The following MTA3 variants were observed in gnomAD, a reference collection of about 807,000 sequenced individuals.
The protein encoded by MTA3 is metastasis associated 1 family member 3.
Under a neutral mutation model 83.5 loss-of-function variants are expected in MTA3, and 34 were observed. The ratio of observed to expected loss-of-function variants is 0.41; its 90% CI spans 0.31 to 0.54. The LOEUF (loss-of-function observed/expected upper bound fraction) is 0.54, where lower values mean the gene tolerates loss of function less well. MTA3 is among the 20% of genes least tolerant of loss of function. MTA3 has a pLI of 0.33. For missense variants in MTA3, 761 were observed against 726.4 expected, an observed-to-expected ratio of 1.05 and a Z score of -0.55; for synonymous variants, 303 against 252.7, an observed-to-expected ratio of 1.20 and a Z score of -1.89.
At chr2:42,661,760 T>C (rs367557858) in intron 8 of MTA3, among the ~76,000 whole-genome samples, 4 of 152,174 alleles carry the variant, frequency 2.6e-5, no homozygotes, top group South Asian at 4.1e-4. Context: ...TACATAATAA[T>C]AGCAAATTAC....
Position 42,753,708 on chromosome 2 carries a change from C to T in MTA3, c.*309C>T. Reference sequence around the variant, plus strand: ...CTCCTCCCTTCTGCAGCGCCCTGCGCCCCACCCAGCAACAGCGGCCACTTG... The same window carrying T: ...CTCCTCCCTTCTGCAGCGCCCTGCGTCCCACCCAGCAACAGCGGCCACTTG... On this transcript the variant is annotated 3_prime_UTR_variant, in exon 17 of 17. Coordinates refer to ENST00000405094, the MANE Select transcript of MTA3 (RefSeq NM_001330442.2). The T allele has an allele frequency of 2.5e-6, 3 of 1,206,044 alleles. No homozygotes were observed. The East Asian group carries it at 1.4e-4, about 57-fold the overall frequency. 74.7% of individuals were successfully genotyped at this position (1,206,044 alleles called of 1,614,324 possible).
intron 4 of MTA3, among the ~76,000 whole-genome samples, chr2:42,635,514 G>T (rs1271233890): frequency 6.6e-6 from 1 of 152,050 alleles, no homozygotes; most frequent in Admixed American, 6.6e-5. Flanking sequence ...TGTAATCCCA[G>T]CTAGTTGAGA....
At chr2:42,572,647 A>C (rs1678618440) in intron 2 of MTA3, among the ~76,000 whole-genome samples, 1 of 152,240 alleles carries the variant, frequency 6.6e-6, no homozygotes, top group Admixed American at 6.5e-5. Flanking sequence ...TAAAATTTTC[A>C]CATTAAGATT....
intron 3 of MTA3, among the ~76,000 whole-genome samples, chr2:42,586,992 C>G (rs1440181746): frequency 6.6e-6 from 1 of 152,042 alleles, no homozygotes; most frequent in East Asian, 1.9e-4. Flanking sequence ...CACTGCACTC[C>G]AGCCTGGTGA....
intron 2 of MTA3, among the ~76,000 whole-genome samples, chr2:42,515,928 C>T (rs1245543775): frequency 6.6e-6 from 1 of 151,116 alleles, no homozygotes; most frequent in African/African-American, 2.4e-5. Context: ...GCCAGCTCTG[C>T]CTCCCGGGTT....
At chr2:42,719,132 T>C in intron 15 of MTA3, 58 bp downstream of exon 15, 2 of 1,316,110 alleles carry the variant, frequency 1.5e-6, no homozygotes, top group Non-Finnish European at 2.1e-6. Context: ...AGTATAGATA[T>C]TTGGCAATTC....
intron 3 of MTA3, among the ~76,000 whole-genome samples, chr2:42,606,882 G>A (rs1194970133): frequency 8.8e-5 from 13 of 147,352 alleles, no homozygotes; most frequent in South Asian, 6.8e-4. Context: ...GCTGGAGACC[G>A]GCCTGGCCAA....
At chr2:42,506,210 T>C (rs1674620423) in intron 2 of MTA3, among the ~76,000 whole-genome samples, 1 of 152,204 alleles carries the variant, frequency 6.6e-6, no homozygotes, top group African/African-American at 2.4e-5. Context: ...TTTGGGAGGC[T>C]GAGGCAGAAG....
intron 1 of MTA3, 134 bp from the exon 2 acceptor site, chr2:42,570,303 T>G: frequency 1.9e-6 from 1 of 517,398 alleles, no homozygotes; most frequent in Non-Finnish European, 3.5e-6. Context: ...GGCTGCATTA[T>G]TATGTTTGCT....
chr2:42,545,291 TCACTTGAGCCTGGGAGGCTGAGGCTG>T (rs1333684253), intron 2 of MTA3, among the ~76,000 whole-genome samples: 1 of 151,912 alleles, frequency 6.6e-6, no homozygotes, highest in African/African-American at 2.4e-5. Flanking sequence ...GGTGAGAGGA[TCACTTGAGCCTGGGAGGCTGAGGCTG>T]CAGTGAGCCG....
At position 42,602,297 on chromosome 2, in the gene MTA3, A is replaced by G. The variant is rs182736799; in HGVS notation, c.191-7161A>G. Among the ~76,000 whole-genome samples the G allele has an allele frequency of 3.7e-3, 563 of 152,240 alleles. 7 individuals carry two copies. The highest frequency in any genetic ancestry group is 0.013 in the African/African-American group (536 of 41,550). ...CAGCCTTAGTTGTTGTTCTCCTATT[A>G]CTGAACATTTGGCTTATTTCCAGTT... On this transcript the variant is annotated intron_variant, in intron 3 of 16. Coordinates refer to ENST00000405094, the MANE Select transcript of MTA3 (RefSeq NM_001330442.2).
At chr2:42,558,559 A>AT (rs754200398) in intron 2 of MTA3, among the ~76,000 whole-genome samples, 5,079 of 129,928 alleles carry the variant, frequency 0.039, 268 homozygotes, top group African/African-American at 0.13. Flanking sequence ...CTTTAAAAAA[A>AT]TTTTTTTTTT....
At chr2:42,498,079 A>G (rs12995560) in intron 2 of MTA3, among the ~76,000 whole-genome samples, 21,344 of 152,220 alleles carry the variant, frequency 0.14, 1,549 homozygotes, top group African/African-American at 0.16. Context: ...AGCTTTAGAA[A>G]TTGAAATACC....
intron 4 of MTA3, among the ~76,000 whole-genome samples, chr2:42,624,512 G>T (rs1038474583): frequency 1.3e-5 from 2 of 151,868 alleles, no homozygotes; most frequent in African/African-American, 4.8e-5. Context: ...GTAGAGACAG[G>T]GTTTCACCAT....
At chr2:42,577,349 C>T (rs768418449) in intron 2 of MTA3, among the ~76,000 whole-genome samples, 4 of 151,636 alleles carry the variant, frequency 2.6e-5, no homozygotes, top group Non-Finnish European at 5.9e-5. Flanking sequence ...CAAGAAGAGA[C>T]TATTTATTTT....
At chr2:42,530,046 G>A (rs946844199) in intron 2 of MTA3, among the ~76,000 whole-genome samples, 1 of 151,528 alleles carries the variant, frequency 6.6e-6, no homozygotes, top group Non-Finnish European at 1.5e-5. Flanking sequence ...TTAGCCGGGC[G>A]TGGTGGTGGG....
intron 8 of MTA3, among the ~76,000 whole-genome samples, chr2:42,678,901 G>A (rs893337906): frequency 6.6e-6 from 1 of 152,038 alleles, no homozygotes; most frequent in African/African-American, 2.4e-5. Flanking sequence ...GATAGTGAGG[G>A]ATCACTTAAA....
chr2:42,558,958 G>A (rs779607280), intron 2 of MTA3, among the ~76,000 whole-genome samples: 1 of 151,996 alleles, frequency 6.6e-6, no homozygotes, highest in Non-Finnish European at 1.5e-5. Context: ...GGAGCAGCTA[G>A]AGTAGAGAAC....
chr2:42,580,694 C>T (rs566016819), intron 3 of MTA3, among the ~76,000 whole-genome samples: 1 of 152,182 alleles, frequency 6.6e-6, no homozygotes, highest in African/African-American at 2.4e-5. Flanking sequence ...TTCCCAGCTT[C>T]AAGCGATTCT....
Sources: gnomAD v4.1 joint callset for allele counts (sites outside exome capture counted in the v4.1 genomes callset) on GRCh38, gnomAD v4.1.1 for gene constraint, MANE v1.5 for transcripts, NCBI Gene and HGNC (gene_info 2026-07-23, HGNC 2026-07-21) for gene names.